Variants in CUX1 observed in about 807,000 individuals in gnomAD.
The protein encoded by CUX1 is protein CASP.
Under a neutral mutation model 158.8 loss-of-function variants are expected in CUX1, and 31 were observed. The ratio of observed to expected loss-of-function variants is 0.20; its 90% CI spans 0.15 to 0.26. The LOEUF is 0.26. CUX1 is among the 10% of genes least tolerant of loss of function. The pLI is 1.00. For missense variants in CUX1, 1,589 were observed against 2,014.6 expected (o/e 0.79, Z 4.04); for synonymous variants, 879 against 862.1 (o/e 1.02, Z -0.34).
At chr7:101,853,584 GGT>G (rs59324904) in intron 1 of CUX1, among the ~76,000 whole-genome samples, 45,802 of 140,600 alleles carry the variant, frequency 0.33, 7,143 homozygotes, top group East Asian at 0.43. Flanking sequence ...CAATAGAAAG[GGT>G]GTGTGTGTGT....
chr7:102,115,103 G>A lies in CUX1; in HGVS notation c.608-104G>A, dbSNP rs1186502758. The A allele has an allele frequency of 2.9e-5, 27 of 946,812 alleles. 1 individual carries two copies. Among genetic ancestry groups the A allele is most frequent in the South Asian group, 6.0e-5 (4 of 66,280 alleles). 58.7% of individuals were successfully genotyped at this position (946,812 alleles called of 1,614,324 possible). On this transcript the variant is annotated intron_variant, in intron 7 of 23. Coordinates refer to ENST00000292535, the MANE Select transcript of CUX1 (RefSeq NM_181552.4). The stretch of plus-strand genomic sequence containing the variant: ...TAATCTTTATTTTTCCACGCACCTC[G>A]CTCCTCACAGAAATCTTTGCCTCTT...
chr7:102,100,680 A>T (rs1829675215), intron 5 of CUX1, among the ~76,000 whole-genome samples: 1 of 152,162 alleles, frequency 6.6e-6, no homozygotes, highest in Admixed American at 6.5e-5. Context: ...AAAAAGTTAG[A>T]GCAGGGGCCA....
intron 14 of CUX1, among the ~76,000 whole-genome samples, chr7:102,265,846 G>A (rs782668426): frequency 7.9e-5 from 12 of 151,978 alleles, no homozygotes; most frequent in Non-Finnish European, 2.9e-5. Flanking sequence ...GTCATGACTC[G>A]GACTAGGTGG....
At chr7:102,126,181 G>GTA (rs1320634150) in intron 8 of CUX1, among the ~76,000 whole-genome samples, 2 of 148,470 alleles carry the variant, frequency 1.3e-5, no homozygotes, top group Non-Finnish European at 3.0e-5. Flanking sequence ...TTCCGGCTGT[G>GTA]TGTGTGTGTG....
intron 11 of CUX1, among the ~76,000 whole-genome samples, chr7:102,181,231 C>T (rs1793054443): frequency 6.6e-6 from 1 of 152,078 alleles, no homozygotes; most frequent in African/African-American, 2.4e-5. Flanking sequence ...TGAGCCACCG[C>T]GAACCAGGTC....
intron 1 of CUX1, among the ~76,000 whole-genome samples, chr7:101,835,965 G>A (rs538118638): frequency 6.6e-6 from 1 of 152,302 alleles, no homozygotes; most frequent in Non-Finnish European, 1.5e-5. Flanking sequence ...CTGACCTCAG[G>A]TGACCCACCC....
intron 20 of CUX1, among the ~76,000 whole-genome samples, chr7:102,210,893 C>T (rs781938059): frequency 5.9e-5 from 9 of 152,202 alleles, no homozygotes; most frequent in Non-Finnish European, 8.8e-5. Context: ...CTATCGCGGA[C>T]AGGTCCACGT....
chr7:102,232,532 G>A (rs782005014), intron 21 of CUX1, among the ~76,000 whole-genome samples: 2 of 152,110 alleles, frequency 1.3e-5, no homozygotes, highest in African/African-American at 2.4e-5. Context: ...TACACTTTAT[G>A]GGGTCAAACG....
chr7:102,092,508 G>A (rs1554482561), intron 4 of CUX1, among the ~76,000 whole-genome samples: 1 of 152,230 alleles, frequency 6.6e-6, no homozygotes, highest in Non-Finnish European at 1.5e-5. Flanking sequence ...CTCACTCACA[G>A]TGGGGCTGTG....
intron 2 of CUX1, among the ~76,000 whole-genome samples, chr7:101,970,966 C>T (rs1811878088): frequency 6.6e-6 from 1 of 152,204 alleles, no homozygotes; most frequent in South Asian, 2.1e-4. Context: ...CCAGTTTTGC[C>T]TGCAGCAGAA....
chr7:101,868,108 A>G (rs534994267), intron 1 of CUX1, among the ~76,000 whole-genome samples: 2 of 152,090 alleles, frequency 1.3e-5, no homozygotes, highest in Non-Finnish European at 2.9e-5. Context: ...TCACCTCCCA[A>G]AGTGCTTTGA....
At chr7:102,060,939 C>T (rs1824796231) in intron 3 of CUX1, among the ~76,000 whole-genome samples, 1 of 93,580 alleles carries the variant, frequency 1.1e-5, no homozygotes, top group South Asian at 3.8e-4. Context: ...TTTTTGGAGA[C>T]AGACTCTCAC....
chr7:102,069,897 G>C (rs405141), intron 3 of CUX1, among the ~76,000 whole-genome samples: 127,589 of 152,194 alleles, frequency 0.84, 53,625 homozygotes, highest in East Asian at 0.99. Context: ...GTTCCCTTCT[G>C]CATGTCCCCA....
Position 101,874,392 on chromosome 7 carries a change from G to A in CUX1, c.31-41723G>A, listed in dbSNP as rs569960739. Among the ~76,000 whole-genome samples, 20 of 152,290 alleles carry A rather than the reference G, an allele frequency of 1.3e-4. No individual in the cohort carries two copies. In the East Asian group the frequency reaches 1.5e-3, roughly 12 times the overall value. ...AACTCCATTTTACTTAAAAAGCAGCGGAAACATGGTGATTTGGAACTCCCT... is the reference window on the plus strand; with the variant it reads ...AACTCCATTTTACTTAAAAAGCAGCAGAAACATGGTGATTTGGAACTCCCT... On this transcript the variant is annotated intron_variant, in intron 1 of 23. Coordinates refer to ENST00000292535, the MANE Select transcript of CUX1 (RefSeq NM_181552.4).
At chr7:102,206,269 C>T (rs1269013013) in intron 20 of CUX1, among the ~76,000 whole-genome samples, 2 of 152,108 alleles carry the variant, frequency 1.3e-5, no homozygotes, top group African/African-American at 4.8e-5. Flanking sequence ...ACGTGGGGGT[C>T]GAGAGGCTGC....
rs535714188 is a variant in CUX1 at position 102,075,506 on chromosome 7, C to T, written c.268+5089C>T. Reference sequence around the variant, plus strand: ...GAGACTGGTTCAGTGCGGTTTTGTCCCTATTTCCTTTATATCCACCCCAGT... The same window carrying T: ...GAGACTGGTTCAGTGCGGTTTTGTCTCTATTTCCTTTATATCCACCCCAGT... On this transcript the variant is annotated intron_variant, in intron 4 of 23. Coordinates refer to ENST00000292535, the MANE Select transcript of CUX1 (RefSeq NM_181552.4). Among the ~76,000 whole-genome samples, 3 of 152,288 alleles carry T rather than the reference C, an allele frequency of 2.0e-5. No homozygotes were observed. In the South Asian group the frequency reaches 6.2e-4, roughly 32 times the overall value.
chr7:102,176,386 G>C (rs1219423558), intron 10 of CUX1, among the ~76,000 whole-genome samples: 1 of 152,004 alleles, frequency 6.6e-6, no homozygotes, highest in African/African-American at 2.4e-5. Context: ...TTCAGAGGGG[G>C]GACAGCGGCA....
chr7:101,940,668 A>G (rs984990541), intron 2 of CUX1, among the ~76,000 whole-genome samples: 3 of 152,014 alleles, frequency 2.0e-5, no homozygotes, highest in Non-Finnish European at 4.4e-5. Flanking sequence ...TTTTCTTATT[A>G]GATTGTAAGC....
chr7:102,222,083 A>C (rs1797864088), intron 20 of CUX1, among the ~76,000 whole-genome samples: 1 of 151,904 alleles, frequency 6.6e-6, no homozygotes, highest in African/African-American at 2.4e-5. Flanking sequence ...ACATAGCAAG[A>C]CCCCATCTCT....
Sources: gnomAD v4.1 joint callset for allele counts (sites outside exome capture counted in the v4.1 genomes callset) on GRCh38, gnomAD v4.1.1 for gene constraint, MANE v1.5 for transcripts, NCBI Gene and HGNC (gene_info 2026-07-23, HGNC 2026-07-21) for gene names.